PPIE: variants seen among roughly 807,000 people sequenced by gnomAD.
The protein encoded by PPIE is peptidyl-prolyl cis-trans isomerase E.
Under a neutral mutation model 38.4 loss-of-function variants are expected in PPIE, and 20 were observed. The ratio of observed to expected loss-of-function variants is 0.52; its 90% confidence interval spans 0.37 to 0.76. The LOEUF (loss-of-function observed/expected upper bound fraction) is 0.76, where lower values mean the gene tolerates loss of function less well. Ranked by LOEUF, PPIE falls within the 30% of genes least tolerant of loss-of-function variation. The pLI is 0.00. For missense variants in PPIE, 322 were observed against 385.8 expected (o/e 0.83, Z 1.39); for synonymous variants, 142 against 135.7 (o/e 1.05, Z -0.32).
intron 6 of PPIE, among the ~76,000 whole-genome samples, chr1:39,744,636 T>A (rs1201093369): frequency 6.6e-6 from 1 of 152,218 alleles, no homozygotes; most frequent in African/African-American, 2.4e-5. Context: ...GCAAGTCTCA[T>A]GGGCAGCTTA....
Position 39,756,705 on chromosome 1 carries a change from T to A in PPIE, c.*3350T>A. On this transcript the variant is annotated 3_prime_UTR_variant, in exon 10 of 10. Coordinates refer to ENST00000324379, the MANE Select transcript of PPIE (RefSeq NM_006112.4). ...CAATTTTGTAAAAATATCTGTAATA[T>A]GTAAGCATAGGTATTTGTATATCTT... 1 of 673,786 alleles carries A rather than the reference T, an allele frequency of 1.5e-6. No homozygotes were observed. The highest frequency in any genetic ancestry group is 1.9e-5 in the African/African-American group (1 of 51,290). The allele number at this position is 673,786 out of a possible 1,614,324, so 41.7% of individuals were successfully genotyped here.
chr1:39,754,104 A>G lies in PPIE; in HGVS notation c.*749A>G. Reference sequence around the variant, plus strand: ...TCAGGAGACAGGAAGCCAACAAACTACATGTGCCTAATCCAGCCCACTGCC... The same window carrying G: ...TCAGGAGACAGGAAGCCAACAAACTGCATGTGCCTAATCCAGCCCACTGCC... On this transcript the variant is annotated 3_prime_UTR_variant, in exon 10 of 10. Coordinates refer to ENST00000324379, the MANE Select transcript of PPIE (RefSeq NM_006112.4). 1 of 976,514 alleles carries G rather than the reference A, an allele frequency of 1.0e-6. No individual in the cohort carries two copies. Among genetic ancestry groups the G allele is most frequent in the Non-Finnish European group, 1.2e-6 (1 of 821,770 alleles). The allele number at this position is 976,514 out of a possible 1,614,324, so 60.5% of individuals were successfully genotyped here.
At chr1:39,743,015 C>G (rs1308040571) in intron 4 of PPIE, 20 of 519,334 alleles carry the variant, frequency 3.9e-5, no homozygotes, top group Non-Finnish European at 5.5e-5. Context: ...TAATACAGGT[C>G]TTTGTGTGCT....
chr1:39,763,120 G>T (rs1009904734), intron 9 of PPIE: 1 of 1,614,070 alleles, frequency 6.2e-7, no homozygotes, highest in African/African-American at 1.3e-5. Flanking sequence ...GTGGTTGGTG[G>T]CATTCATGCA....
At chr1:39,760,306 G>A, downstream of PPIE, 2 of 1,498,884 alleles carry the variant, frequency 1.3e-6, no homozygotes, top group Non-Finnish European at 1.8e-6. Context: ...GGTTGTGAGG[G>A]TCCTCCCTGG....
intron 8 of PPIE, among the ~76,000 whole-genome samples, chr1:39,750,566 G>A (rs1187213078): frequency 3.3e-5 from 5 of 152,210 alleles, no homozygotes; most frequent in African/African-American, 4.8e-5. Flanking sequence ...TATCATATCA[G>A]TGCTCGTGAA....
chr1:39,759,597 A>T (rs187979092), downstream of PPIE: 1 of 152,258 alleles, frequency 6.6e-6, no homozygotes, highest in Non-Finnish European at 1.5e-5. Flanking sequence ...GGGCCACCCA[A>T]TGCAACCACA....
At chr1:39,745,255 G>C in intron 6 of PPIE, 120 bp from the exon 7 acceptor site, 1 of 1,377,626 alleles carries the variant, frequency 7.3e-7, no homozygotes, top group Non-Finnish European at 1.0e-6. Flanking sequence ...GGCCTTCCCC[G>C]TCAGCACTTG....
At chr1:39,743,396 G>A in intron 5 of PPIE, 99 bp downstream of exon 5, 2 of 1,026,394 alleles carry the variant, frequency 1.9e-6, no homozygotes, top group Non-Finnish European at 3.0e-6. Flanking sequence ...GCTAAATGCT[G>A]CTTCCTGGTA....
At chr1:39,743,684 T>C (rs937293288) in intron 5 of PPIE, 140 bp from the exon 6 acceptor site, 3 of 664,142 alleles carry the variant, frequency 4.5e-6, no homozygotes, top group Non-Finnish European at 7.7e-6. Flanking sequence ...ATGGGAACTT[T>C]CCTTACCCCT....
intron 7 of PPIE, chr1:39,748,137 C>T (rs1411211325): frequency 6.6e-6 from 1 of 152,110 alleles, no homozygotes; most frequent in Non-Finnish European, 1.5e-5. Context: ...ATATTAAACC[C>T]ATGTTAAATA....
chr1:39,751,842 T>G (rs1647764771), intron 8 of PPIE, among the ~76,000 whole-genome samples: 1 of 152,110 alleles, frequency 6.6e-6, no homozygotes, highest in African/African-American at 2.4e-5. Flanking sequence ...CCCAACACTT[T>G]GGGAGTCTGA....
intron 1 of PPIE, chr1:39,739,390 G>C: frequency 6.2e-6 from 1 of 162,234 alleles, no homozygotes; most frequent in Non-Finnish European, 1.3e-5. Flanking sequence ...TGGCCCTTCG[G>C]ATCCTCTCGT....
chr1:39,753,681 A>C lies in PPIE; in HGVS notation c.*326A>C. ...TGGCTCTTACGTGTTTTCTTTGCTA[A>C]AATAAACCCTAGTTCTTATATTGCT... On this transcript the variant is annotated 3_prime_UTR_variant, in exon 10 of 10. Transcript: ENST00000324379. 8.8e-7 allele frequency: 1 copy of C among 1,137,116 alleles called. No homozygotes were observed. The highest frequency in any genetic ancestry group is 1.1e-6 in the Non-Finnish European group (1 of 925,712). 70.4% of individuals were successfully genotyped at this position (1,137,116 alleles called of 1,614,324 possible).
Position 39,743,211 on chromosome 1 carries a change from T to C in PPIE, c.202-5T>C. On this transcript the variant is annotated splice_polypyrimidine_tract_variant and splice_region_variant and intron_variant, in intron 4 of 9. Transcript: ENST00000324379. Reference sequence around the variant, plus strand: ...TTTAAGCAGCTGGATTTTCAATCTTTTCAGAATGAATCTGAGCTTTTTGGA... The same window carrying C: ...TTTAAGCAGCTGGATTTTCAATCTTCTCAGAATGAATCTGAGCTTTTTGGA... 8 of 1,613,514 alleles carry C rather than the reference T, an allele frequency of 5.0e-6. No individual in the cohort carries two copies. The highest frequency in any genetic ancestry group is 6.8e-6 in the Non-Finnish European group (8 of 1,179,420).
chr1:39,758,121 AAATT>A (rs1438821385), downstream of PPIE: 2 of 152,256 alleles, frequency 1.3e-5, no homozygotes, highest in African/African-American at 4.8e-5. Context: ...GTGGAGTAAA[AAATT>A]AATTGTCAAA....
At chr1:39,741,541 C>T in intron 3 of PPIE, 132 bp downstream of exon 3, 2 of 949,400 alleles carry the variant, frequency 2.1e-6, no homozygotes, top group South Asian at 2.8e-5. Context: ...GAAGTAAGTG[C>T]TGTTCTAAGG....
rs1169057136 is a variant in PPIE, at chr1:39,755,695, T to C, written c.*2340T>C. On this transcript the variant is annotated 3_prime_UTR_variant, in exon 10 of 10. Coordinates refer to ENST00000324379, the MANE Select transcript of PPIE (RefSeq NM_006112.4). ...ACCTTGTCACTCTGTTCCTCCCTGA[T>C]ACTCTGGGGAGGTGGAGGCCAGTGG... 1.0e-6 allele frequency: 1 copy of C among 985,306 alleles called. No individual in the cohort carries two copies. The highest frequency in any genetic ancestry group is 1.2e-6 in the Non-Finnish European group (1 of 829,932). The allele number at this position is 985,306 out of a possible 1,614,324, so 61.0% of individuals were successfully genotyped here. A position where few individuals can be genotyped will look rare whatever the true frequency, so the allele number is the denominator to read the frequency against.
intron 6 of PPIE, 72 bp from the exon 7 acceptor site, chr1:39,745,303 G>A: frequency 6.3e-7 from 1 of 1,592,602 alleles, no homozygotes. Context: ...CTGGGTGGGT[G>A]TGTAGAATAC....
Sources: gnomAD v4.1 joint callset for allele counts (sites outside exome capture counted in the v4.1 genomes callset) on GRCh38, gnomAD v4.1.1 for gene constraint, MANE v1.5 for transcripts, NCBI Gene and HGNC (gene_info 2026-07-23, HGNC 2026-07-21) for gene names.